The following LGR4 variants were observed in gnomAD, a reference collection of about 807,000 sequenced individuals.
The protein encoded by LGR4 is leucine-rich repeat-containing G protein-coupled receptor 4.
Under a neutral mutation model 84.8 loss-of-function variants are expected in LGR4, and 44 were observed. That is an observed-to-expected ratio of 0.52 (90% CI 0.41 to 0.67). The LOEUF (loss-of-function observed/expected upper bound fraction) is 0.67, where lower values mean the gene tolerates loss of function less well. Among genes scored for constraint, LGR4 ranks in the 30% least tolerant of loss-of-function variants. The pLI is 0.00. For synonymous variants in LGR4, 429 were observed against 434.3 expected, an observed-to-expected ratio of 0.99 and a Z score of 0.15; for missense variants, 1,032 against 1,131.4, an observed-to-expected ratio of 0.91 and a Z score of 1.26.
At chr11:27,396,298 T>C (rs982586686) in intron 2 of LGR4, among the ~76,000 whole-genome samples, 4 of 152,140 alleles carry the variant, frequency 2.6e-5, no homozygotes, top group Non-Finnish European at 5.9e-5. Context: ...TGAGTATCAA[T>C]AGATGTCACC....
chr11:27,414,576 T>C (rs1235915223), intron 1 of LGR4, among the ~76,000 whole-genome samples: 1 of 152,068 alleles, frequency 6.6e-6, no homozygotes, highest in Non-Finnish European at 1.5e-5. Context: ...ACTCAAATCC[T>C]ACTAAAGGAG....
chr11:27,389,375 C>T (rs1863240901), intron 4 of LGR4, among the ~76,000 whole-genome samples: 1 of 152,104 alleles, frequency 6.6e-6, no homozygotes, highest in South Asian at 2.1e-4. Flanking sequence ...ATAATTTAAA[C>T]TAAGCAATTT....
chr11:27,379,170 C>T (rs2472625), intron 10 of LGR4: 110,596 of 190,590 alleles, frequency 0.58, 32,471 homozygotes, highest in Non-Finnish European at 0.62. Flanking sequence ...GCTCAGCATT[C>T]GAAAATGTTC....
chr11:27,377,799 C>T (rs940904735), intron 11 of LGR4, among the ~76,000 whole-genome samples: 2 of 152,266 alleles, frequency 1.3e-5, no homozygotes, highest in Non-Finnish European at 2.9e-5. Flanking sequence ...AAGTTTGATA[C>T]ACCACTACAT....
At chr11:27,413,889 G>A (rs774783563) in intron 1 of LGR4, among the ~76,000 whole-genome samples, 5 of 152,112 alleles carry the variant, frequency 3.3e-5, no homozygotes, top group African/African-American at 1.2e-4. Flanking sequence ...GACACCTTCA[G>A]TATCATGCTA....
At chr11:27,410,630 T>C (rs934636771) in intron 2 of LGR4, among the ~76,000 whole-genome samples, 1 of 152,160 alleles carries the variant, frequency 6.6e-6, no homozygotes, top group African/African-American at 2.4e-5. Context: ...ATATTTATTT[T>C]AGTATTTATA....
At chr11:27,370,896 C>G (rs1483623234) in intron 17 of LGR4, among the ~76,000 whole-genome samples, 2 of 152,188 alleles carry the variant, frequency 1.3e-5, no homozygotes, top group Non-Finnish European at 2.9e-5. Flanking sequence ...TTCTTGCCAA[C>G]TGCATTCACT....
Position 27,367,070 on chromosome 11 carries a change from T to C in LGR4, c.*797A>G, listed in dbSNP as rs994729587. 2.6e-5 allele frequency: 4 copies of C among 152,190 alleles called. No homozygotes were observed. The highest frequency in any genetic ancestry group is 7.2e-5 in the African/African-American group (3 of 41,442). 9.4% of individuals were successfully genotyped at this position (152,190 alleles called of 1,614,324 possible). On this transcript the variant is annotated 3_prime_UTR_variant, in exon 18 of 18. Transcript: ENST00000379214. ...AAGCCACCAAATCCCTCAGATACTA[T>C]TAAACCCCCACATTAGTTAGTAGTT...
At chr11:27,380,848 C>T (rs1863078492) in intron 8 of LGR4, 47 bp downstream of exon 8, 2 of 1,270,276 alleles carry the variant, frequency 1.6e-6, no homozygotes, top group Non-Finnish European at 2.3e-6. Flanking sequence ...TGTACGGACA[C>T]AGCTTCACAT....
chr11:27,389,774 T>C (rs978558807), intron 4 of LGR4, among the ~76,000 whole-genome samples: 1 of 152,158 alleles, frequency 6.6e-6, no homozygotes, highest in Non-Finnish European at 1.5e-5. Flanking sequence ...GTCCTGTGTA[T>C]ATCCACCCGA....
intron 3 of LGR4, 122 bp downstream of exon 3, chr11:27,392,325 C>T: frequency 1.4e-6 from 1 of 705,808 alleles, no homozygotes; most frequent in South Asian, 2.7e-5. Flanking sequence ...ACTCACTGGC[C>T]ACTCCTTAAA....
chr11:27,421,848 C>G (rs1463896015), intron 1 of LGR4, among the ~76,000 whole-genome samples: 1 of 152,086 alleles, frequency 6.6e-6, no homozygotes, highest in Non-Finnish European at 1.5e-5. Flanking sequence ...ATAAAATGCT[C>G]TAATTCTGGA....
At chr11:27,392,626 C>T (rs2133379176) in intron 2 of LGR4, 108 bp from the exon 3 acceptor site, 1 of 902,472 alleles carries the variant, frequency 1.1e-6, no homozygotes, top group Admixed American at 3.0e-5. Flanking sequence ...TTAAACATTT[C>T]TCAAGTCTAT....
intron 5 of LGR4, 78 bp downstream of exon 5, chr11:27,385,175 T>C: frequency 9.4e-7 from 1 of 1,060,446 alleles, no homozygotes; most frequent in South Asian, 1.8e-5. Context: ...GATGCCTTGA[T>C]AATAATCTGT....
chr11:27,417,205 T>C (rs148982414), intron 1 of LGR4, among the ~76,000 whole-genome samples: 10 of 152,030 alleles, frequency 6.6e-5, no homozygotes, highest in African/African-American at 2.2e-4. Context: ...CACTAAATTA[T>C]ATACAGGTTC....
chr11:27,400,855 T>G (rs1413746286), intron 2 of LGR4, among the ~76,000 whole-genome samples: 1 of 152,156 alleles, frequency 6.6e-6, no homozygotes, highest in African/African-American at 2.4e-5. Flanking sequence ...GGTTACTTTC[T>G]TAGTGAATAA....
intron 1 of LGR4, among the ~76,000 whole-genome samples, chr11:27,428,422 A>G (rs1864061251): frequency 6.6e-6 from 1 of 152,130 alleles, no homozygotes; most frequent in South Asian, 2.1e-4. Context: ...TACAGGCGTG[A>G]GCCACCACGC....
At chr11:27,369,285 G>T (rs894623359) in intron 17 of LGR4, 142 bp from the exon 18 acceptor site, 10 of 538,642 alleles carry the variant, frequency 1.9e-5, no homozygotes, top group Admixed American at 1.2e-4. Flanking sequence ...CTGATTACTA[G>T]TTCTAAGATA....
At chr11:27,369,623 G>A in intron 17 of LGR4, among the ~76,000 whole-genome samples, 1 of 152,072 alleles carries the variant, frequency 6.6e-6, no homozygotes, top group East Asian at 1.9e-4. Context: ...CAGTTGTGCA[G>A]CTTAAGTAAA....
Sources: allele counts gnomAD v4.1 joint callset (sites outside exome capture counted in the v4.1 genomes callset), GRCh38; gene constraint gnomAD v4.1.1; transcripts MANE v1.5; gene names NCBI Gene and HGNC (gene_info 2026-07-23, HGNC 2026-07-21).